SLC35B2: variants seen among roughly 807,000 people sequenced by gnomAD.
The protein encoded by SLC35B2 is solute carrier family 35 member B2, also known as adenosine 3'-phospho 5'-phosphosulfate transporter 1.
Under a neutral mutation model 37.9 loss-of-function variants are expected in SLC35B2, and 19 were observed. That is an observed-to-expected ratio of 0.50 (90% CI 0.35 to 0.74). The LOEUF is 0.74. SLC35B2 is among the 30% of genes least tolerant of loss of function. SLC35B2 has a pLI of 0.01. For synonymous variants in SLC35B2, 277 were observed against 225.2 expected (o/e 1.23, Z -2.06); for missense variants, 633 against 547.6 (o/e 1.16, Z -1.56).
At position 44,255,318 on chromosome 6, in the gene SLC35B2, A is replaced by G. The variant is rs1181657675; in HGVS notation, c.687T>C (p.Leu229=). ...AGTGTTCGTAGCTGCGCCGAGACAC[A>G]AGCTTTCCCATCAGCATGACAGGGA... is the stretch of plus-strand genomic sequence containing the variant. The part of the protein sequence containing the change: ...KVIPVMLMGK[L]VSRRSYEHWE... The change falls in exon 4 of 4, where the codon CTT becomes CTC. Residue 229 remains leucine, a synonymous_variant. Coordinates refer to ENST00000393812, the MANE Select transcript of SLC35B2 (RefSeq NM_178148.4). The G allele has an allele frequency of 6.2e-7, 1 of 1,614,260 alleles. No homozygotes were observed.
rs36092647 is a variant in SLC35B2 at position 44,257,012 on chromosome 6, C to CCTCTCTCTCTCT, written c.12-146_12-135dup. On this transcript the variant is annotated intron_variant, in intron 1 of 3. Coordinates refer to ENST00000393812, the MANE Select transcript of SLC35B2 (RefSeq NM_178148.4). ...CTGCAGCTCCGGCCCGGACAAAGAGCCTCTCTCTCTCTCTCTCTCTCGGGG... is the reference window on the plus strand; with the variant it reads ...CTGCAGCTCCGGCCCGGACAAAGAGCCTCTCTCTCTCTCTCTCTCTCTCTCTCTCTCTCGGGG... 19 of 798,532 alleles carry CCTCTCTCTCTCT rather than the reference C, an allele frequency of 2.4e-5. No individual in the cohort carries two copies. In the East Asian group the frequency reaches 5.7e-4, roughly 24 times the overall value. 49.5% of individuals were successfully genotyped at this position (798,532 alleles called of 1,614,324 possible).
In SLC35B2 at chr6:44,255,199, AGT is replaced by A. The variant is rs1468451829; in HGVS notation, c.804_805del (p.Ser270ArgfsTer12). 1.9e-6 allele frequency: 3 copies of A among 1,614,222 alleles called. No individual in the cohort carries two copies. The highest frequency in any genetic ancestry group is 2.2e-5 in the East Asian group (1 of 44,890). ...ACCTGCCAGTAAGATGAGGCCTGAGAGTGTGGTGGCTGGGGAGCTGCGGGGCT... is the reference window on the plus strand; with the variant it reads ...ACCTGCCAGTAAGATGAGGCCTGAGAGTGGTGGCTGGGGAGCTGCGGGGCT... On this transcript the variant is annotated frameshift_variant, in exon 4 of 4. Transcript: ENST00000393812. LOFTEE classifies it high-confidence loss of function.
chr6:44,255,104 G>T lies in SLC35B2; in HGVS notation c.901C>A (p.Gln301Lys), dbSNP rs1478223655. ...ALFAYKMSSV[Q>K]MMFGVNFFSC... ...AAGAAATTGACCCCAAACATCATCT[G>T]CACCGATGACATCTTATAGGCAAAC... The change falls in exon 4 of 4, where the codon CAG becomes AAG. Residue 301 changes from glutamine (Q) to lysine (K), a missense_variant. Coordinates refer to ENST00000393812, the MANE Select transcript of SLC35B2 (RefSeq NM_178148.4). 1.9e-6 allele frequency: 3 copies of T among 1,614,214 alleles called. No homozygotes were observed. In the Admixed American group the frequency reaches 5.0e-5, roughly 27 times the overall value.
In SLC35B2 at chr6:44,254,554, C is replaced by T. The variant is rs1237906181; in HGVS notation, c.*152G>A. 1.2e-5 allele frequency: 11 copies of T among 885,240 alleles called. No individual in the cohort carries two copies. Among genetic ancestry groups the T allele is most frequent in the Admixed American group, 2.7e-5 (1 of 36,948 alleles). 54.8% of individuals were successfully genotyped at this position (885,240 alleles called of 1,614,324 possible). A position where few individuals can be genotyped will look rare whatever the true frequency, so the allele number is the denominator to read the frequency against. On this transcript the variant is annotated 3_prime_UTR_variant, in exon 4 of 4. Transcript: ENST00000393812. ...CTTAAGGCAAAAGGGAAGGCTGCCT[C>T]CTGGGCTCCCCAATCCCCTGCTGCA...
rs770137958 is a variant in SLC35B2, at chr6:44,256,804, T to C, written c.86A>G (p.Glu29Gly). The change falls in exon 2 of 4, where the codon GAG (glutamate) becomes GGG (glycine). Residue 29 changes from glutamate (E) to glycine (G), a missense_variant. By Grantham distance (98) the Glu-to-Gly change is moderately conservative. Coordinates refer to ENST00000393812, the MANE Select transcript of SLC35B2 (RefSeq NM_178148.4). ...GAAGAACCATAGCTGGGTCCATGAC[T>C]CCGGAGGGGCTTCGGGAGTCTCCCC... ...AGGETPEAPPESWTQLWFFRF... is the reference protein window; with the variant it reads ...AGGETPEAPPGSWTQLWFFRF... 10 of 1,614,002 alleles carry C rather than the reference T, an allele frequency of 6.2e-6. No homozygotes were observed. In the South Asian group the frequency reaches 6.6e-5, roughly 11 times the overall value.
chr6:44,256,359 A>G lies in SLC35B2; in HGVS notation c.343T>C (p.Cys115Arg). Residue 115 changes from cysteine to arginine, a missense_variant, in exon 3 of 4, where the codon TGT becomes CGT. Physicochemically the swap from Cys to Arg is radical, Grantham distance 180. Transcript: ENST00000393812. ...PMWQALKLLF[C>R]ATGLQVSYLT... ...CTACCCACCTGGAGCCCTGTGGCACAGAAGAGCAGCTTCAGGGCCTGCCAC... is the reference window on the plus strand; with the variant it reads ...CTACCCACCTGGAGCCCTGTGGCACGGAAGAGCAGCTTCAGGGCCTGCCAC... The G allele has an allele frequency of 1.2e-6, 2 of 1,613,324 alleles. No homozygotes were observed. Among genetic ancestry groups the G allele is most frequent in the Non-Finnish European group, 1.7e-6 (2 of 1,179,680 alleles).
In SLC35B2 at chr6:44,254,920, A is replaced by C; in HGVS notation, c.1085T>G (p.Phe362Cys). The change falls in exon 4 of 4, where the codon TTT (phenylalanine) becomes TGT (cysteine). Residue 362 changes from phenylalanine (F) to cysteine (C), a missense_variant. By Grantham distance (205) the Phe-to-Cys change is radical. Coordinates refer to ENST00000393812, the MANE Select transcript of SLC35B2 (RefSeq NM_178148.4). Reference protein sequence around the residue: ...QLFIFYTIGQFGAAVFTIIMT... With the variant: ...QLFIFYTIGQCGAAVFTIIMT... Reference sequence around the variant, plus strand: ...GATGATGGTGAAGACGGCAGCCCCAAACTGCCCAATGGTGTAAAAGATGAA... The same window carrying C: ...GATGATGGTGAAGACGGCAGCCCCACACTGCCCAATGGTGTAAAAGATGAA... 3 of 1,614,190 alleles carry C rather than the reference A, an allele frequency of 1.9e-6. No homozygotes were observed. The South Asian group carries it at 3.3e-5, about 18-fold the overall frequency.
rs1315024308 is a variant in SLC35B2 at position 44,254,616 on chromosome 6, T to C, written c.*90A>G. Reference sequence around the variant, plus strand: ...TGATACTGAGAAAACACCTGCATTTTGCCCTTTCAGCCAGCTCCCTCAGAG... The same window carrying C: ...TGATACTGAGAAAACACCTGCATTTCGCCCTTTCAGCCAGCTCCCTCAGAG... On this transcript the variant is annotated 3_prime_UTR_variant, in exon 4 of 4. Coordinates refer to ENST00000393812, the MANE Select transcript of SLC35B2 (RefSeq NM_178148.4). The C allele has an allele frequency of 7.2e-7, 1 of 1,391,012 alleles. No homozygotes were observed. Among genetic ancestry groups the C allele is most frequent in the Non-Finnish European group, 9.8e-7 (1 of 1,024,692 alleles). 86.2% of individuals were successfully genotyped at this position (1,391,012 alleles called of 1,614,324 possible).
intron 1 of SLC35B2, chr6:44,257,198 G>A: frequency 1.8e-6 from 1 of 547,604 alleles, no homozygotes; most frequent in East Asian, 3.5e-5. Flanking sequence ...GATCCGGGAC[G>A]TCAGGGTCCC....
In SLC35B2 at chr6:44,254,540, A is replaced by G; in HGVS notation, c.*166T>C. On this transcript the variant is annotated 3_prime_UTR_variant, in exon 4 of 4. Transcript: ENST00000393812. ...TGGAAGATGGGTGACTTAAGGCAAA[A>G]GGGAAGGCTGCCTCCTGGGCTCCCC... 1 of 764,326 alleles carries G rather than the reference A, an allele frequency of 1.3e-6. No individual in the cohort carries two copies. Among genetic ancestry groups the G allele is most frequent in the Non-Finnish European group, 2.1e-6 (1 of 486,508 alleles). The allele number at this position is 764,326 out of a possible 1,614,324, so 47.3% of individuals were successfully genotyped here.
chr6:44,254,819 G>T lies in SLC35B2; in HGVS notation c.1186C>A (p.Leu396Met). 6.2e-7 allele frequency: 1 copy of T among 1,614,156 alleles called. No homozygotes were observed. Among genetic ancestry groups the T allele is most frequent in the Admixed American group, 1.7e-5 (1 of 60,022 alleles). ...YGHTVTVVGG[L>M]GVAVVFAALL... ...GCAGCAAAGACCACAGCCACCCCCA[G>T]CCCTCCCACCACAGTGACAGTGTGG... Residue 396 changes from leucine (L) to methionine (M), a missense_variant, in exon 4 of 4, where the codon CTG (leucine) becomes ATG (methionine). By Grantham distance (15) the Leu-to-Met change is conservative. Coordinates refer to ENST00000393812, the MANE Select transcript of SLC35B2 (RefSeq NM_178148.4).
In SLC35B2 at chr6:44,255,025, C is replaced by T. The variant is rs1460302769; in HGVS notation, c.980G>A (p.Gly327Glu). Reference sequence around the variant, plus strand: ...ACTGTGTCGCCCCATGAAGCGGGTTCCCTCCAGTAGGGCCCCCTGTTCTAG... The same window carrying T: ...ACTGTGTCGCCCCATGAAGCGGGTTTCCTCCAGTAGGGCCCCCTGTTCTAG... ...SLLEQGALLE[G>E]TRFMGRHSEF... is the part of the protein sequence containing the mutation. The change falls in exon 4 of 4, where the codon GGA becomes GAA. Residue 327 changes from glycine (G) to glutamate (E), a missense_variant. Coordinates refer to ENST00000393812, the MANE Select transcript of SLC35B2 (RefSeq NM_178148.4). The T allele has an allele frequency of 6.8e-6, 11 of 1,614,070 alleles. No individual in the cohort carries two copies. Among genetic ancestry groups the T allele is most frequent in the Admixed American group, 1.7e-5 (1 of 60,002 alleles).
At chr6:44,257,078 C>T in intron 1 of SLC35B2, 200 bp from the exon 2 acceptor site, 1 of 653,128 alleles carries the variant, frequency 1.5e-6, no homozygotes, top group Non-Finnish European at 2.5e-6. Context: ...CTTCCTCCCT[C>T]CCCGGGGGCG....
Position 44,255,094 on chromosome 6 carries a change from A to C in SLC35B2, c.911T>G (p.Phe304Cys). ...GAGGCAGGAGAAGAAATTGACCCCA[A>C]ACATCATCTGCACCGATGACATCTT... Reference protein sequence around the residue: ...AYKMSSVQMMFGVNFFSCLFT... With the variant: ...AYKMSSVQMMCGVNFFSCLFT... Residue 304 changes from phenylalanine to cysteine, a missense_variant, in exon 4 of 4, where the codon TTT becomes TGT. Coordinates refer to ENST00000393812, the MANE Select transcript of SLC35B2 (RefSeq NM_178148.4). 6.2e-7 allele frequency: 1 copy of C among 1,614,226 alleles called. No homozygotes were observed. Among genetic ancestry groups the C allele is most frequent in the Non-Finnish European group, 8.5e-7 (1 of 1,180,038 alleles).
chr6:44,254,677 T>C lies in SLC35B2; in HGVS notation c.*29A>G, dbSNP rs376833492. 1.1e-4 allele frequency: 180 copies of C among 1,576,998 alleles called. No individual in the cohort carries two copies. Among genetic ancestry groups the C allele is most frequent in the Middle Eastern group, 1.7e-4 (1 of 5,884 alleles). On this transcript the variant is annotated 3_prime_UTR_variant, in exon 4 of 4. Coordinates refer to ENST00000393812, the MANE Select transcript of SLC35B2 (RefSeq NM_178148.4). ...AAGGGGATGGTGGGAGGGTCCTATT[T>C]CACTTCACCCCTCAGGCCCTTTCCA...
intron 3 of SLC35B2, 133 bp downstream of exon 3, chr6:44,256,209 C>A (rs776557364): frequency 4.0e-5 from 45 of 1,118,432 alleles, no homozygotes; most frequent in African/African-American, 1.1e-4. Flanking sequence ...GATGGAGGTG[C>A]AGTGTGCCCC....
chr6:44,255,340 G>C lies in SLC35B2; in HGVS notation c.665C>G (p.Pro222Arg). The change falls in exon 4 of 4, where the codon CCT becomes CGT. Residue 222 changes from proline (P) to arginine (R), a missense_variant. Physicochemically the swap from Pro to Arg is moderately radical, Grantham distance 103. Coordinates refer to ENST00000393812, the MANE Select transcript of SLC35B2 (RefSeq NM_178148.4). ...QVLAKASKVI[P>R]VMLMGKLVSR... The stretch of plus-strand genomic sequence containing the variant: ...CACAAGCTTTCCCATCAGCATGACA[G>C]GGATCACCTTAGAGGCCTTGGCCAG... 6.2e-7 allele frequency: 1 copy of C among 1,614,232 alleles called. No individual in the cohort carries two copies. The highest frequency in any genetic ancestry group is 1.1e-5 in the South Asian group (1 of 91,092).
chr6:44,255,571 G>A lies in SLC35B2; in HGVS notation c.434C>T (p.Pro145Leu), dbSNP rs184880644. The A allele has an allele frequency of 1.5e-5, 25 of 1,614,170 alleles. No individual in the cohort carries two copies. In the Admixed American group the frequency reaches 2.2e-4, roughly 14 times the overall value. The change falls in exon 4 of 4, where the codon CCG becomes CTG. Residue 145 changes from proline (P) to leucine (L), a missense_variant. Pro to Leu is a moderately conservative substitution (Grantham distance 98, BLOSUM62 -3). Transcript: ENST00000393812. ...CTGCGAGTCCGTAAAGCGCTCACCCGGTGATGTGGCTGTGGCCCCATAGCT... is the reference window on the plus strand; with the variant it reads ...CTGCGAGTCCGTAAAGCGCTCACCCAGTGATGTGGCTGTGGCCCCATAGCT... The part of the protein sequence containing the change: ...TRSYGATATS[P>L]GERFTDSQFL...
Position 44,255,256 on chromosome 6 carries a change from AC to A in SLC35B2, c.748del (p.Val250SerfsTer53). 1 of 1,614,182 alleles carries A rather than the reference AC, an allele frequency of 6.2e-7. No homozygotes were observed. The highest frequency in any genetic ancestry group is 2.2e-5 in the East Asian group (1 of 44,884). On this transcript the variant is annotated frameshift_variant, in exon 4 of 4. Coordinates refer to ENST00000393812, the MANE Select transcript of SLC35B2 (RefSeq NM_178148.4). LOFTEE classifies it high-confidence loss of function. ...YLTATLISIG[V>X]SMFLLSSGPE... ...TCCGCTGGATAGCAGAAACATGCTGACCCCAATGGAGATGAGGGTGGCTGTC... is the reference window on the plus strand; with the variant it reads ...TCCGCTGGATAGCAGAAACATGCTGACCCAATGGAGATGAGGGTGGCTGTC...
Sources: gnomAD v4.1 joint callset for allele counts on GRCh38, gnomAD v4.1.1 for gene constraint, MANE v1.5 for transcripts, NCBI Gene and HGNC (gene_info 2026-07-23, HGNC 2026-07-21) for gene names.